DNAH17: variants seen among roughly 807,000 people sequenced by gnomAD.
The protein encoded by DNAH17 is axonemal beta dynein heavy chain 17.
Under a neutral mutation model 485.6 loss-of-function variants are expected in DNAH17, and 376 were observed. The observed-to-expected ratio is 0.77, with a 90% confidence interval of 0.71 to 0.84. DNAH17 has a LOEUF of 0.84. DNAH17 is among the 40% of genes least tolerant of loss of function. DNAH17 has a pLI of 0.00. For missense variants in DNAH17, 6,370 were observed against 5,839.3 expected, an observed-to-expected ratio of 1.09 and a Z score of -2.96; for synonymous variants, 3,031 against 2,405.9, an observed-to-expected ratio of 1.26 and a Z score of -7.60.
intron 17 of DNAH17, among the ~76,000 whole-genome samples, chr17:78,540,720 C>T (rs1251827004): frequency 3.6e-4 from 3 of 8,344 alleles, no homozygotes; most frequent in Non-Finnish European, 6.6e-4. Context: ...ATGGGGTGGG[C>T]AGATGTGTGA....
intron 45 of DNAH17, 28 bp from the exon 46 acceptor site, chr17:78,486,161 G>A (rs2089597155): frequency 1.2e-6 from 2 of 1,607,406 alleles, no homozygotes; most frequent in African/African-American, 2.7e-5. Flanking sequence ...TAAAAATCAG[G>A]GCCCAGCTAA....
At chr17:78,516,708 AAAAAGAG>A (rs1274221605) in intron 25 of DNAH17, among the ~76,000 whole-genome samples, 1 of 151,492 alleles carries the variant, frequency 6.6e-6, no homozygotes, top group Admixed American at 6.6e-5. Flanking sequence ...AAAAAAAAAA[AAAAAGAG>A]AGAGAGACAG....
At chr17:78,545,974 ATT>A (rs58000479) in intron 16 of DNAH17, among the ~76,000 whole-genome samples, 30,091 of 150,122 alleles carry the variant, frequency 0.2, 3,952 homozygotes, top group Non-Finnish European at 0.28. Context: ...ACCATTTGAA[ATT>A]TTTTTTTTTT....
In DNAH17 at chr17:78,561,756, C is replaced by G. The variant is rs1471920307; in HGVS notation, c.1794G>C (p.Arg598Ser). 1 of 1,612,706 alleles carries G rather than the reference C, an allele frequency of 6.2e-7. No individual in the cohort carries two copies. Among genetic ancestry groups the G allele is most frequent in the Non-Finnish European group, 8.5e-7 (1 of 1,179,404 alleles). ...TCAGGTGTTTCATGGACACCTCTAG[C>G]CTCTCCTGCAGCTCCAGGCTCCATT... The part of the protein sequence containing the change: ...QLKWSLELQE[R>S]LEVSMKHLKH... The change falls in exon 12 of 81, where the codon AGG becomes AGC. Residue 598 changes from arginine to serine, a missense_variant. Transcript: ENST00000389840.
chr17:78,558,351 G>C, intron 13 of DNAH17, 97 bp from the exon 14 acceptor site: 1 of 1,439,580 alleles, frequency 6.9e-7, no homozygotes, highest in Non-Finnish European at 9.3e-7. Flanking sequence ...GGGATGTTTT[G>C]ACAGCCGGGG....
chr17:78,464,538 G>A (rs1329768393), intron 56 of DNAH17, among the ~76,000 whole-genome samples: 1 of 152,224 alleles, frequency 6.6e-6, no homozygotes, highest in Non-Finnish European at 1.5e-5. Context: ...TGGGATTATA[G>A]GCGTGAGCCA....
chr17:78,528,980 G>A (rs1368360619), intron 22 of DNAH17, among the ~76,000 whole-genome samples: 1 of 148,068 alleles, frequency 6.8e-6, no homozygotes, highest in Non-Finnish European at 1.5e-5. Context: ...CAGAATCTCT[G>A]TCGCCCAGGC....
intron 75 of DNAH17, among the ~76,000 whole-genome samples, chr17:78,432,461 A>G (rs1214655900): frequency 6.6e-6 from 1 of 152,160 alleles, no homozygotes. Flanking sequence ...GAGCACAGGG[A>G]GCCAAGTCCC....
intron 25 of DNAH17, chr17:78,522,858 C>CT (rs540576103): frequency 4.3e-3 from 684 of 160,188 alleles, no homozygotes; most frequent in South Asian, 0.018. Flanking sequence ...CTTTTTCTTT[C>CT]TTTTTTTTTT....
intron 36 of DNAH17, chr17:78,499,755 G>C (rs919947128): frequency 6.5e-6 from 1 of 152,754 alleles, no homozygotes; most frequent in Non-Finnish European, 1.5e-5. Context: ...CTGGGGAGGG[G>C]AGACCCTCTG....
At chr17:78,451,262 G>A (rs1288044751) in intron 66 of DNAH17, among the ~76,000 whole-genome samples, 1 of 152,254 alleles carries the variant, frequency 6.6e-6, no homozygotes, top group African/African-American at 2.4e-5. Flanking sequence ...TTAAATTTGG[G>A]AGCAGGAAGA....
At chr17:78,430,741 CA>C (rs1462347193) in intron 75 of DNAH17, among the ~76,000 whole-genome samples, 2 of 152,162 alleles carry the variant, frequency 1.3e-5, no homozygotes, top group Admixed American at 1.3e-4. Flanking sequence ...CCACCATAGC[CA>C]GCTAATATTT....
chr17:78,453,516 A>G, intron 64 of DNAH17, 51 bp from the exon 65 acceptor site: 1 of 1,605,726 alleles, frequency 6.2e-7, no homozygotes, highest in African/African-American at 1.3e-5. Flanking sequence ...TCGTGATGGA[A>G]CGGTGCGCAC....
chr17:78,479,195 C>A, intron 50 of DNAH17, 79 bp from the exon 51 acceptor site: 1 of 1,395,006 alleles, frequency 7.2e-7, no homozygotes, highest in South Asian at 1.2e-5. Context: ...TTTCTAAAGC[C>A]AATGGACTAC....
At chr17:78,525,633 C>T (rs184495743) in intron 24 of DNAH17, among the ~76,000 whole-genome samples, 5 of 152,332 alleles carry the variant, frequency 3.3e-5, no homozygotes, top group South Asian at 4.1e-4. Context: ...TGCGTGGACA[C>T]GTAACAGGCA....
chr17:78,471,607 A>G (rs1213273525), intron 54 of DNAH17, among the ~76,000 whole-genome samples: 3 of 152,162 alleles, frequency 2.0e-5, no homozygotes, highest in Admixed American at 6.5e-5. Context: ...AGCTTATTGC[A>G]GCCTCGACCT....
rs1274834144 is a variant in DNAH17, at chr17:78,566,816, G to A, written c.1453-86C>T. The A allele has an allele frequency of 9.1e-6, 12 of 1,321,924 alleles. No individual in the cohort carries two copies. In the Admixed American group the frequency reaches 2.2e-4, roughly 25 times the overall value. 81.9% of individuals were successfully genotyped at this position (1,321,924 alleles called of 1,614,324 possible). ...TCTCCAGCCCCTGCCCTGCTGAGAGGACTCGGGACTGAGGCGCAGCTGAAT... is the reference window on the plus strand; with the variant it reads ...TCTCCAGCCCCTGCCCTGCTGAGAGAACTCGGGACTGAGGCGCAGCTGAAT... On this transcript the variant is annotated intron_variant, in intron 10 of 80. Coordinates refer to ENST00000389840, the MANE Select transcript of DNAH17 (RefSeq NM_173628.4).
chr17:78,478,583 AC>A (rs2089201160), intron 51 of DNAH17, among the ~76,000 whole-genome samples: 1 of 150,872 alleles, frequency 6.6e-6, no homozygotes, highest in Admixed American at 6.6e-5. Context: ...CACCATTACC[AC>A]CATCACTACC....
chr17:78,555,370 C>G (rs1038138005), intron 14 of DNAH17, among the ~76,000 whole-genome samples: 1 of 151,902 alleles, frequency 6.6e-6, no homozygotes, highest in African/African-American at 2.4e-5. Flanking sequence ...AATCATGGTG[C>G]TCCTACCATA....
Sources: allele counts gnomAD v4.1 joint callset (sites outside exome capture counted in the v4.1 genomes callset), GRCh38; gene constraint gnomAD v4.1.1; transcripts MANE v1.5; gene names NCBI Gene and HGNC (gene_info 2026-07-23, HGNC 2026-07-21).